Variants in SUGCT observed in about 807,000 individuals in gnomAD.
The protein encoded by SUGCT is succinyl-CoA:glutarate-CoA transferase, also known as succinyl-CoA:glutarate CoA-transferase.
SUGCT carries 41 observed loss-of-function variants against 55.0 expected under a neutral mutation model. The observed-to-expected ratio is 0.74, with a 90% CI of 0.58 to 0.97. The LOEUF is 0.97. Ranked by LOEUF, SUGCT falls within the 50% of genes least tolerant of loss-of-function variation. SUGCT has a pLI of 0.00. For missense variants in SUGCT, 568 were observed against 547.8 expected, an observed-to-expected ratio of 1.04 and a Z score of -0.37; for synonymous variants, 187 against 200.4, an observed-to-expected ratio of 0.93 and a Z score of 0.56.
intron 11 of SUGCT, among the ~76,000 whole-genome samples, chr7:40,467,281 G>A (rs1790174245): frequency 6.6e-6 from 1 of 150,894 alleles, no homozygotes; most frequent in African/African-American, 2.4e-5. Context: ...CCTATTTGAG[G>A]AAAATCTTTT....
chr7:40,621,489 G>A (rs969483506), intron 12 of SUGCT, among the ~76,000 whole-genome samples: 3 of 152,166 alleles, frequency 2.0e-5, no homozygotes, highest in African/African-American at 7.2e-5. Flanking sequence ...GAAGGAATAA[G>A]TTAAATCTCT....
chr7:40,930,263 C>T, the SUGCT span, among the ~76,000 whole-genome samples: 1 of 152,114 alleles, frequency 6.6e-6, no homozygotes, highest in South Asian at 2.1e-4. Context: ...GGCCTCTGTT[C>T]TGTTCCATTG....
intron 12 of SUGCT, among the ~76,000 whole-genome samples, chr7:40,529,581 G>A (rs1483435586): frequency 6.6e-6 from 1 of 152,224 alleles, no homozygotes; most frequent in Non-Finnish European, 1.5e-5. Flanking sequence ...AAAGCCCTGA[G>A]AACCCAGAGG....
chr7:40,952,709 A>G, the SUGCT span, among the ~76,000 whole-genome samples: 3 of 152,142 alleles, frequency 2.0e-5, no homozygotes, highest in Admixed American at 2.0e-4. Context: ...TCCTTCACTT[A>G]TGAAGCTTAG....
intron 1 of SUGCT, among the ~76,000 whole-genome samples, chr7:40,135,500 A>C (rs985798142): frequency 2.6e-5 from 4 of 152,214 alleles, no homozygotes; most frequent in African/African-American, 9.6e-5. Flanking sequence ...ATAACTTGAC[A>C]CTTCATGTAC....
rs747388196 is a variant in SUGCT, at chr7:40,459,087, T to C, written c.889-14T>C. On this transcript the variant is annotated splice_polypyrimidine_tract_variant and intron_variant, in intron 10 of 13. Coordinates refer to ENST00000335693, the MANE Select transcript of SUGCT (RefSeq NM_001193313.2). Reference sequence around the variant, plus strand: ...ACCTATTTCTTATACTGGAAAATTATTTTTTTCTTTTAGATCTTGGATTTG... The same window carrying C: ...ACCTATTTCTTATACTGGAAAATTACTTTTTTCTTTTAGATCTTGGATTTG... 8.2e-6 allele frequency: 13 copies of C among 1,577,678 alleles called. No homozygotes were observed. The highest frequency in any genetic ancestry group is 1.1e-5 in the Non-Finnish European group (13 of 1,149,826).
rs896964601 is a variant in SUGCT, at chr7:40,779,348, T to C, written c.1153+29851T>C. Reference sequence around the variant, plus strand: ...TCATCTGTAATTTAGTCAGCTTGTGTACATACTGCATTGCATTAAACGCTG... The same window carrying C: ...TCATCTGTAATTTAGTCAGCTTGTGCACATACTGCATTGCATTAAACGCTG... On this transcript the variant is annotated intron_variant, in intron 13 of 13. Coordinates refer to ENST00000335693, the MANE Select transcript of SUGCT (RefSeq NM_001193313.2). Among the ~76,000 whole-genome samples the C allele has an allele frequency of 4.6e-5, 7 of 152,216 alleles. No individual in the cohort carries two copies. The East Asian group carries it at 1.3e-3, about 29-fold the overall frequency.
intron 1 of SUGCT, among the ~76,000 whole-genome samples, chr7:40,163,612 A>G (rs1331913940): frequency 1.3e-5 from 2 of 151,874 alleles, no homozygotes; most frequent in African/African-American, 4.8e-5. Context: ...CTCAGAAAAA[A>G]AAAAAAAAAG....
At chr7:40,289,224 A>G (rs1463774935) in intron 8 of SUGCT, among the ~76,000 whole-genome samples, 1 of 152,180 alleles carries the variant, frequency 6.6e-6, no homozygotes, top group East Asian at 1.9e-4. Flanking sequence ...AACTAAAAAA[A>G]AAAGGTTCTT....
At chr7:40,935,609 A>T in the SUGCT span, among the ~76,000 whole-genome samples, 16 of 152,352 alleles carry the variant, frequency 1.1e-4, no homozygotes, top group Non-Finnish European at 2.1e-4. Context: ...GCCGAATAAT[A>T]TTCCATTGAA....
At chr7:40,513,934 C>T (rs1193539755) in intron 12 of SUGCT, among the ~76,000 whole-genome samples, 3 of 151,702 alleles carry the variant, frequency 2.0e-5, no homozygotes, top group Admixed American at 2.0e-4. Flanking sequence ...GGACTACAGT[C>T]ACCTGCCACC....
At chr7:40,398,575 T>C (rs1314110571) in intron 9 of SUGCT, among the ~76,000 whole-genome samples, 1 of 150,464 alleles carries the variant, frequency 6.6e-6, no homozygotes, top group Non-Finnish European at 1.5e-5. Flanking sequence ...CTTCCCGGGA[T>C]CATGTATCAA....
intron 12 of SUGCT, among the ~76,000 whole-genome samples, chr7:40,651,750 C>T (rs549363819): frequency 6.6e-6 from 1 of 152,182 alleles, no homozygotes; most frequent in South Asian, 2.1e-4. Flanking sequence ...ATCTGTAGCT[C>T]TCATTTCCTT....
the SUGCT span, among the ~76,000 whole-genome samples, chr7:40,868,676 G>T: frequency 6.6e-6 from 1 of 152,102 alleles, no homozygotes. Context: ...TTCCTGAGTA[G>T]TTGGGACTAC....
At chr7:40,835,384 C>G (rs914876148) in intron 13 of SUGCT, among the ~76,000 whole-genome samples, 1 of 152,150 alleles carries the variant, frequency 6.6e-6, no homozygotes, top group African/African-American at 2.4e-5. Flanking sequence ...CAGGTATATC[C>G]TAAATTTTAT....
chr7:40,830,964 G>C (rs185499538), intron 13 of SUGCT, among the ~76,000 whole-genome samples: 4 of 152,282 alleles, frequency 2.6e-5, no homozygotes, highest in Admixed American at 2.6e-4. Flanking sequence ...GCTGAAGATT[G>C]TAATAATCAC....
chr7:40,448,248 T>TG (rs1562784871), intron 9 of SUGCT, among the ~76,000 whole-genome samples: 1 of 67,974 alleles, frequency 1.5e-5, no homozygotes, highest in Non-Finnish European at 2.7e-5. Context: ...CTCCCTCCCT[T>TG]CCTTCCTTCC....
chr7:40,371,766 T>G (rs1784305126), intron 9 of SUGCT, among the ~76,000 whole-genome samples: 1 of 152,110 alleles, frequency 6.6e-6, no homozygotes, highest in Non-Finnish European at 1.5e-5. Context: ...ATCAATATTG[T>G]TCTGATCTTC....
intron 8 of SUGCT, among the ~76,000 whole-genome samples, chr7:40,314,350 A>G (rs1252239991): frequency 1.3e-5 from 2 of 152,224 alleles, no homozygotes; most frequent in Non-Finnish European, 2.9e-5. Context: ...CTACTTGCAC[A>G]GAATAACCTT....
Sources: allele counts gnomAD v4.1 joint callset (sites outside exome capture counted in the v4.1 genomes callset), GRCh38; gene constraint gnomAD v4.1.1; transcripts MANE v1.5; gene names NCBI Gene and HGNC (gene_info 2026-07-23, HGNC 2026-07-21).